Variants in AMMECR1 observed in about 807,000 individuals in gnomAD.
AMMECR1 encodes nuclear protein AMMECR1.
In AMMECR1, 3 loss-of-function variants were observed where a neutral mutation model predicts 22.5. That is an observed-to-expected ratio of 0.13 (90% CI 0.06 to 0.35). AMMECR1 has a LOEUF of 0.35. Among genes scored for constraint, AMMECR1 ranks in the 10% least tolerant of loss-of-function variants. AMMECR1 has a pLI of 1.00. For synonymous variants in AMMECR1, 130 were observed against 116.7 expected (o/e 1.11, Z -0.74); for missense variants, 235 against 278.7 (o/e 0.84, Z 1.12).
At chrX:110,376,091 G>T (rs1353794463) in intron 2 of AMMECR1, among the ~76,000 whole-genome samples, 2 of 111,306 alleles carry the variant, frequency 1.8e-5, no homozygotes, top group Non-Finnish European at 3.8e-5. Context: ...ATGGTAAGGT[G>T]GTTTCAGAAC....
At chrX:110,290,538 TTGTAGCAGTCCTGATA>T (rs2067902375) in intron 1 of AMMECR1, among the ~76,000 whole-genome samples, 1 of 111,930 alleles carries the variant, frequency 8.9e-6, no homozygotes, top group African/African-American at 3.2e-5. Flanking sequence ...TCTTGTGTGT[TTGTAGCAGTCCTGATA>T]TGTACCACAT....
At chrX:110,359,163 C>A (rs1333994715) in intron 2 of AMMECR1, among the ~76,000 whole-genome samples, 1 of 111,233 alleles carries the variant, frequency 9.0e-6, no homozygotes, top group African/African-American at 3.3e-5. Context: ...TGAACCTAGG[C>A]AGTCTGGATC....
chrX:110,412,742 A>G (rs1042706305), intron 2 of AMMECR1, among the ~76,000 whole-genome samples: 1 of 112,383 alleles, frequency 8.9e-6, no homozygotes, highest in Admixed American at 9.4e-5. Context: ...ATGTGCAATG[A>G]TATCTCCAAT....
In AMMECR1 at chrX:110,214,736, C is replaced by T. The variant is rs2067465075; in HGVS notation, c.699+1782G>A. Among the ~76,000 whole-genome samples the T allele has an allele frequency of 2.7e-5, 3 of 111,310 alleles. No homozygotes were observed. In the Admixed American group the frequency reaches 2.9e-4, roughly 11 times the overall value. ...ACACACACATGCACACACACAGAAA[C>T]ACACATGCCAGAACTGTACTTCCAA... On this transcript the variant is annotated intron_variant, in intron 3 of 5. Coordinates refer to ENST00000262844, the MANE Select transcript of AMMECR1 (RefSeq NM_015365.3).
intron 2 of AMMECR1, among the ~76,000 whole-genome samples, chrX:110,342,524 A>C: frequency 9.0e-6 from 1 of 111,011 alleles, no homozygotes; most frequent in Non-Finnish European, 1.9e-5. Flanking sequence ...GGCACACGCC[A>C]CCACGCCTGG....
chrX:110,440,060 A>G (rs1262585835), exon 1 of AMMECR1: 4 of 109,563 alleles, frequency 3.7e-5, no homozygotes, highest in Non-Finnish European at 7.6e-5. Context: ...AACTCAGACC[A>G]CCCCCAGGAT....
At chrX:110,387,328 T>A (rs1162685217) in intron 2 of AMMECR1, among the ~76,000 whole-genome samples, 1 of 112,177 alleles carries the variant, frequency 8.9e-6, no homozygotes, top group East Asian at 2.8e-4. Context: ...CACGTTTGGT[T>A]TGGTCCAATT....
chrX:110,391,974 GA>G (rs2068497052), intron 2 of AMMECR1, among the ~76,000 whole-genome samples: 1 of 112,111 alleles, frequency 8.9e-6, no homozygotes, highest in African/African-American at 3.2e-5. Flanking sequence ...GTTCAAAAGG[GA>G]AAACATAATG....
At chrX:110,377,245 A>G (rs927907647) in intron 2 of AMMECR1, among the ~76,000 whole-genome samples, 1 of 111,961 alleles carries the variant, frequency 8.9e-6, no homozygotes, top group African/African-American at 3.2e-5. Context: ...TCTGCCCAGT[A>G]GCGCTATATG....
chrX:110,311,442 G>A (rs2068022841), intron 1 of AMMECR1, among the ~76,000 whole-genome samples: 2 of 111,912 alleles, frequency 1.8e-5, no homozygotes, highest in African/African-American at 3.3e-5. Flanking sequence ...GTGAGGATAG[G>A]ACTATTCCTT....
chrX:110,240,319 C>T (rs1413511084), intron 2 of AMMECR1, among the ~76,000 whole-genome samples: 5 of 95,100 alleles, frequency 5.3e-5, no homozygotes, highest in African/African-American at 2.0e-4. Flanking sequence ...ACACATCTAA[C>T]ATGCTAAGAC....
intron 2 of AMMECR1, among the ~76,000 whole-genome samples, chrX:110,326,908 AG>A (rs1385746569): frequency 8.1e-5 from 9 of 111,649 alleles, no homozygotes; most frequent in Non-Finnish European, 1.3e-4. Context: ...TAAATTTTGG[AG>A]GTAGAGTCAA....
intron 2 of AMMECR1, among the ~76,000 whole-genome samples, chrX:110,385,352 A>G (rs1239715800): frequency 8.9e-6 from 1 of 111,940 alleles, no homozygotes; most frequent in African/African-American, 3.2e-5. Context: ...TAATTCATCT[A>G]TGTGAATTAT....
chrX:110,219,222 A>G (rs1056284802), intron 2 of AMMECR1: 3 of 306,755 alleles, frequency 9.8e-6, no homozygotes, highest in African/African-American at 5.8e-5. Flanking sequence ...CCAATGAACT[A>G]TTTCTCACAA....
At chrX:110,226,158 G>T (rs1395195043) in intron 2 of AMMECR1, among the ~76,000 whole-genome samples, 1 of 111,720 alleles carries the variant, frequency 9.0e-6, no homozygotes, top group East Asian at 2.8e-4. Flanking sequence ...TAAAATCTCA[G>T]AAAGCCAATA....
chrX:110,354,832 C>G (rs1450633485), intron 2 of AMMECR1, among the ~76,000 whole-genome samples: 1 of 111,715 alleles, frequency 9.0e-6, no homozygotes, highest in Non-Finnish European at 1.9e-5. Context: ...TATCTCTCAC[C>G]AATTCGAAAT....
chrX:110,250,792 A>G (rs2067682782), intron 2 of AMMECR1, among the ~76,000 whole-genome samples: 1 of 111,951 alleles, frequency 8.9e-6, no homozygotes, highest in African/African-American at 3.2e-5. Flanking sequence ...TTTAAGAGAG[A>G]TTAAAGTATC....
chrX:110,286,727 C>T (rs1218390557), intron 1 of AMMECR1, among the ~76,000 whole-genome samples: 4 of 109,708 alleles, frequency 3.6e-5, no homozygotes, highest in African/African-American at 1.3e-4. Flanking sequence ...GTCATCTTCT[C>T]TGTCCTCCCA....
At chrX:110,325,958 C>A (rs776954755) in intron 2 of AMMECR1, among the ~76,000 whole-genome samples, 1 of 111,103 alleles carries the variant, frequency 9.0e-6, no homozygotes, top group African/African-American at 3.3e-5. Flanking sequence ...GTTTCTTTTT[C>A]TTTTCTTTTC....
Sources: gnomAD v4.1 joint callset for allele counts (sites outside exome capture counted in the v4.1 genomes callset) on GRCh38, gnomAD v4.1.1 for gene constraint, MANE v1.5 for transcripts, NCBI Gene and HGNC (gene_info 2026-07-23, HGNC 2026-07-21) for gene names.